The following PLXNC1 variants were observed in gnomAD, a reference collection of about 807,000 sequenced individuals.
The protein encoded by PLXNC1 is plexin-C1.
PLXNC1 carries 75 observed loss-of-function variants against 178.2 expected under a neutral mutation model. The ratio of observed to expected loss-of-function variants is 0.42; its 90% CI spans 0.35 to 0.51. The LOEUF is 0.51. Ranked by LOEUF, PLXNC1 falls within the 20% of genes least tolerant of loss-of-function variation. PLXNC1 has a pLI of 0.02. For missense variants in PLXNC1, 1,503 were observed against 1,984.4 expected (o/e 0.76, Z 4.61); for synonymous variants, 790 against 779.9 (o/e 1.01, Z -0.22).
intron 20 of PLXNC1, chr12:94,262,569 G>A (rs778058430): frequency 3.0e-6 from 3 of 985,342 alleles, no homozygotes; most frequent in Non-Finnish European, 2.4e-6. Context: ...GTGAGGGGGC[G>A]GCTCGGCTCG....
rs61265662 is a variant in PLXNC1 at position 94,268,588 on chromosome 12, C to CTTTTTTTTTTTTTTT, written c.3597+3373_3597+3387dup. Among the ~76,000 whole-genome samples, 31 of 90,878 alleles carry CTTTTTTTTTTTTTTT rather than the reference C, an allele frequency of 3.4e-4. No homozygotes were observed. The East Asian group carries it at 4.0e-3, about 12-fold the overall frequency. 59.6% of individuals were successfully genotyped at this position (90,878 alleles called of 152,430 possible). A position where few individuals can be genotyped will look rare whatever the true frequency, so the allele number is the denominator to read the frequency against. The stretch of plus-strand genomic sequence containing the variant: ...TCAGACAGCTGGAAGAGAATAAGAC[C>CTTTTTTTTTTTTTTT]TTTTTTTTTTTTTTTTTTTTTTTTA... On this transcript the variant is annotated intron_variant, in intron 21 of 30. Coordinates refer to ENST00000258526, the MANE Select transcript of PLXNC1 (RefSeq NM_005761.3).
At chr12:94,197,649 C>T (rs1203788372) in intron 4 of PLXNC1, among the ~76,000 whole-genome samples, 1 of 152,106 alleles carries the variant, frequency 6.6e-6, no homozygotes, top group Non-Finnish European at 1.5e-5. Context: ...GACTGAGACA[C>T]CATGTAAGGT....
chr12:94,163,283 G>T (rs144001222), intron 1 of PLXNC1, among the ~76,000 whole-genome samples: 4,121 of 152,088 alleles, frequency 0.027, 204 homozygotes, highest in African/African-American at 0.095. Flanking sequence ...GCTTGAACCC[G>T]GGAGTCAGAG....
chr12:94,224,752 CAA>C (rs1373216998), intron 7 of PLXNC1, among the ~76,000 whole-genome samples: 1 of 152,058 alleles, frequency 6.6e-6, no homozygotes, highest in East Asian at 1.9e-4. Flanking sequence ...CAAAAAAACA[CAA>C]AAGTTAGCCA....
intron 2 of PLXNC1, among the ~76,000 whole-genome samples, chr12:94,178,458 A>T (rs1962183879): frequency 6.6e-6 from 1 of 152,036 alleles, no homozygotes; most frequent in African/African-American, 2.4e-5. Context: ...GTGTTTGTTT[A>T]AAAAAAACAA....
intron 21 of PLXNC1, among the ~76,000 whole-genome samples, chr12:94,268,114 A>T (rs1368926876): frequency 6.6e-6 from 1 of 152,184 alleles, no homozygotes; most frequent in African/African-American, 2.4e-5. Context: ...ACGTTTGGAA[A>T]AAAGGCCCCC....
chr12:94,270,131 C>T (rs896020277), intron 21 of PLXNC1, among the ~76,000 whole-genome samples: 2 of 152,180 alleles, frequency 1.3e-5, no homozygotes, highest in Admixed American at 6.5e-5. Flanking sequence ...TATCACAAGT[C>T]ATGGCGGAGA....
At chr12:94,194,989 G>A (rs1016299819) in intron 4 of PLXNC1, among the ~76,000 whole-genome samples, 2 of 152,098 alleles carry the variant, frequency 1.3e-5, no homozygotes, top group Admixed American at 6.5e-5. Flanking sequence ...ACCAGGGGAA[G>A]AGTGGTCGGG....
intron 22 of PLXNC1, chr12:94,281,985 G>T (rs56882928): frequency 0.012 from 3,535 of 303,328 alleles, 108 homozygotes; most frequent in African/African-American, 0.073. Context: ...ACACAAGTGT[G>T]AGCATATACA....
At chr12:94,272,945 G>T (rs1053898144) in intron 21 of PLXNC1, among the ~76,000 whole-genome samples, 13 of 152,174 alleles carry the variant, frequency 8.5e-5, no homozygotes, top group Non-Finnish European at 1.9e-4. Context: ...AAGCAGAGGG[G>T]AACTGCCCTT....
intron 5 of PLXNC1, among the ~76,000 whole-genome samples, chr12:94,215,938 A>T (rs73364683): frequency 6.6e-6 from 1 of 152,154 alleles, no homozygotes; most frequent in Non-Finnish European, 1.5e-5. Flanking sequence ...CAAAAGAAAA[A>T]TATTCATATA....
intron 8 of PLXNC1, 27 bp downstream of exon 8, chr12:94,226,734 G>A: frequency 6.6e-7 from 1 of 1,513,262 alleles, no homozygotes; most frequent in Non-Finnish European, 9.2e-7. Flanking sequence ...GGTATTGTAA[G>A]TCTTAACCGC....
rs1012897320 is a variant in PLXNC1 at position 94,148,840 on chromosome 12, C to G, written c.-132C>G. On this transcript the variant is annotated 5_prime_UTR_variant, in exon 1 of 31. Transcript: ENST00000258526. This position sits in a 1 kb window ranked among gnomAD's most constrained non-coding sequence, Gnocchi z 4.8. ...CCCGCTCTCCTTCCTGGGCGAGCTG[C>G]GGGGATGGGGCGGCCGCGGGAGCCC... 1 of 156,270 alleles carries G rather than the reference C, an allele frequency of 6.4e-6. No homozygotes were observed. The highest frequency in any genetic ancestry group is 2.4e-5 in the African/African-American group (1 of 41,082). 9.7% of individuals were successfully genotyped at this position (156,270 alleles called of 1,614,324 possible).
intron 4 of PLXNC1, among the ~76,000 whole-genome samples, chr12:94,209,068 C>T (rs1204459494): frequency 6.6e-6 from 1 of 152,224 alleles, no homozygotes; most frequent in Non-Finnish European, 1.5e-5. Flanking sequence ...CTTAGGCAGA[C>T]TCTGCCCTTG....
chr12:94,164,011 T>C (rs941092668), intron 1 of PLXNC1, among the ~76,000 whole-genome samples: 1 of 152,088 alleles, frequency 6.6e-6, no homozygotes, highest in Non-Finnish European at 1.5e-5. Context: ...GCATGTGGTA[T>C]TATTAGGTCC....
In PLXNC1 at chr12:94,306,895, A is replaced by AAAC. The variant is rs1969082401; in HGVS notation, c.*1611_*1613dup. ...CCAACGGACACACCTCAAACAAACA[A>AAAC]AACTACCAAATAGATGACAGATCAG... is the stretch of plus-strand genomic sequence containing the variant. On this transcript the variant is annotated 3_prime_UTR_variant, in exon 31 of 31. Transcript: ENST00000258526. 2 of 152,330 alleles carry AAAC rather than the reference A, an allele frequency of 1.3e-5. No homozygotes were observed. Among genetic ancestry groups the AAAC allele is most frequent in the South Asian group, 4.1e-4 (2 of 4,822 alleles). 9.4% of individuals were successfully genotyped at this position (152,330 alleles called of 1,614,324 possible). A position where few individuals can be genotyped will look rare whatever the true frequency, so the allele number is the denominator to read the frequency against.
At position 94,304,056 on chromosome 12, in the gene PLXNC1, G is replaced by A; in HGVS notation, c.4602+5G>A. 6.8e-7 allele frequency: 1 copy of A among 1,478,016 alleles called. No individual in the cohort carries two copies. The highest frequency in any genetic ancestry group is 9.4e-7 in the Non-Finnish European group (1 of 1,060,718). The allele number at this position is 1,478,016 out of a possible 1,614,324, so 91.6% of individuals were successfully genotyped here. ...ATCGTAAAATATTTTGATGAGGTAAGATTTTAAATAACATTGTTTTTAACC... is the reference window on the plus strand; with the variant it reads ...ATCGTAAAATATTTTGATGAGGTAAAATTTTAAATAACATTGTTTTTAACC... On this transcript the variant is annotated splice_donor_5th_base_variant and intron_variant, in intron 30 of 30. Coordinates refer to ENST00000258526, the MANE Select transcript of PLXNC1 (RefSeq NM_005761.3).
chr12:94,265,093 G>C lies in PLXNC1; in HGVS notation c.3465G>C (p.Glu1155Asp). 6.2e-7 allele frequency: 1 copy of C among 1,614,146 alleles called. No individual in the cohort carries two copies. The highest frequency in any genetic ancestry group is 8.5e-7 in the Non-Finnish European group (1 of 1,179,994). The change falls in exon 21 of 31, where the codon GAG becomes GAC. Residue 1155 changes from glutamate to aspartate, a missense_variant. This residue lies in a region of PLXNC1 where 639 missense variants were observed against 979.7 expected (regional missense o/e 0.65). Coordinates refer to ENST00000258526, the MANE Select transcript of PLXNC1 (RefSeq NM_005761.3). ...TCTTTTCCAAGGAGACTGTCGGAGA[G>C]CCCTTCTATTTGCTGGTGACGACTC... ...LSGFLRETVG[E>D]PFYLLVTTLN...
intron 20 of PLXNC1, chr12:94,262,870 C>A: frequency 1.3e-6 from 1 of 786,164 alleles, no homozygotes; most frequent in Non-Finnish European, 1.5e-6. Context: ...TTTCTCATTT[C>A]ATCCCCTTAA....
Sources: gnomAD v4.1 joint callset for allele counts (sites outside exome capture counted in the v4.1 genomes callset) on GRCh38, gnomAD v4.1.1 for gene constraint, gnomAD v4.1.1 regional missense constraint, Gnocchi (gnomAD v3.1) non-coding constraint, MANE v1.5 for transcripts, NCBI Gene and HGNC (gene_info 2026-07-23, HGNC 2026-07-21) for gene names.